LMNTD1: variants seen among roughly 807,000 people sequenced by gnomAD.
LMNTD1 encodes the protein lamin tail domain containing 1, also known as lamin tail domain-containing protein 1.
In LMNTD1, 35 loss-of-function variants were observed where a neutral mutation model predicts 50.9. That is an observed-to-expected ratio of 0.69 (90% CI 0.53 to 0.91). The LOEUF (loss-of-function observed/expected upper bound fraction) is 0.91. Ranked by LOEUF, LMNTD1 falls within the 40% of genes least tolerant of loss-of-function variation. The pLI, the probability that LMNTD1 is intolerant of heterozygous loss-of-function variation, is 0.00. For synonymous variants in LMNTD1, 153 were observed against 161.9 expected, an observed-to-expected ratio of 0.94 and a Z score of 0.42; for missense variants, 470 against 475.5, an observed-to-expected ratio of 0.99 and a Z score of 0.11.
At chr12:25,637,249 G>A (rs1358347213) in intron 1 of LMNTD1, among the ~76,000 whole-genome samples, 1 of 152,142 alleles carries the variant, frequency 6.6e-6, no homozygotes, top group Admixed American at 6.6e-5. Flanking sequence ...GGGAAAGAAA[G>A]CAAGCAACAG....
intron 8 of LMNTD1, among the ~76,000 whole-genome samples, chr12:25,508,477 G>T (rs995269929): frequency 2.0e-5 from 3 of 152,038 alleles, no homozygotes; most frequent in Non-Finnish European, 4.4e-5. Context: ...CATTTTCATT[G>T]CCTATGGGAT....
chr12:25,516,711 G>A (rs1045757953), intron 8 of LMNTD1, among the ~76,000 whole-genome samples: 1 of 151,948 alleles, frequency 6.6e-6, no homozygotes, highest in South Asian at 2.1e-4. Context: ...TTATGAAAAA[G>A]AAATATAAAC....
At chr12:25,540,523 C>A (rs1203965824) in intron 4 of LMNTD1, among the ~76,000 whole-genome samples, 7 of 137,052 alleles carry the variant, frequency 5.1e-5, no homozygotes, top group African/African-American at 7.8e-5. Context: ...CAAAATTCAA[C>A]AACCCTTCAT....
chr12:25,563,002 C>T (rs919212449), intron 1 of LMNTD1, among the ~76,000 whole-genome samples: 2 of 152,190 alleles, frequency 1.3e-5, no homozygotes, highest in African/African-American at 4.8e-5. Context: ...CATTTAAGGA[C>T]TTCTCTACAC....
At chr12:25,491,461 G>A (rs1419121306) in intron 9 of LMNTD1, among the ~76,000 whole-genome samples, 6 of 152,220 alleles carry the variant, frequency 3.9e-5, no homozygotes, top group Admixed American at 2.6e-4. Context: ...GCAACGTAAC[G>A]TGCCTGTATG....
chr12:25,620,331 T>C (rs1946443985), intron 1 of LMNTD1, among the ~76,000 whole-genome samples: 1 of 152,070 alleles, frequency 6.6e-6, no homozygotes, highest in South Asian at 2.1e-4. Context: ...CAATTCCAAT[T>C]TTCACAGTTA....
rs1025426869 is a variant in LMNTD1 at position 25,499,618 on chromosome 12, C to A, written c.*22+4120G>T. ...GTTTACTGACCCATTTTTAAATGTTCACACCCTTCATTTTCTTCTTGCTGG... is the reference window on the plus strand; with the variant it reads ...GTTTACTGACCCATTTTTAAATGTTAACACCCTTCATTTTCTTCTTGCTGG... On this transcript the variant is annotated intron_variant, in intron 9 of 9. Transcript: ENST00000458174. Among the ~76,000 whole-genome samples the A allele has an allele frequency of 2.0e-5, 3 of 152,024 alleles. No homozygotes were observed. The South Asian group carries it at 6.2e-4, about 31-fold the overall frequency.
At chr12:25,524,927 C>A (rs1941599200) in intron 6 of LMNTD1, among the ~76,000 whole-genome samples, 1 of 152,112 alleles carries the variant, frequency 6.6e-6, no homozygotes, top group Non-Finnish European at 1.5e-5. Flanking sequence ...CGCAGAAAGA[C>A]AGTAAATGGC....
At chr12:25,608,020 G>A (rs1483741393) in intron 1 of LMNTD1, among the ~76,000 whole-genome samples, 1 of 152,140 alleles carries the variant, frequency 6.6e-6, no homozygotes, top group East Asian at 1.9e-4. Flanking sequence ...GGGTGCTCCT[G>A]TATTGGGTGC....
intron 1 of LMNTD1, among the ~76,000 whole-genome samples, chr12:25,597,418 T>C (rs191697042): frequency 2.0e-5 from 3 of 152,236 alleles, no homozygotes; most frequent in Admixed American, 1.3e-4. Context: ...AGAAGGTCAC[T>C]ATATAATGAT....
At chr12:25,590,102 A>G (rs1034164281) in intron 1 of LMNTD1, among the ~76,000 whole-genome samples, 1 of 146,786 alleles carries the variant, frequency 6.8e-6, no homozygotes, top group Non-Finnish European at 1.5e-5. Context: ...AAATCAGCTG[A>G]GTACACACAA....
chr12:25,618,159 A>G (rs762079876), intron 1 of LMNTD1, among the ~76,000 whole-genome samples: 1 of 152,112 alleles, frequency 6.6e-6, no homozygotes, highest in African/African-American at 2.4e-5. Context: ...CTGTGGTTGT[A>G]TGTGTGTCAG....
intron 3 of LMNTD1, among the ~76,000 whole-genome samples, chr12:25,548,288 T>C (rs930199493): frequency 6.6e-6 from 1 of 151,108 alleles, no homozygotes; most frequent in African/African-American, 2.4e-5. Context: ...CAAAATGAAA[T>C]ATAGATGAGG....
At chr12:25,536,441 T>G (rs1435296390) in intron 4 of LMNTD1, among the ~76,000 whole-genome samples, 1 of 152,094 alleles carries the variant, frequency 6.6e-6, no homozygotes, top group African/African-American at 2.4e-5. Flanking sequence ...TCACTGGAAC[T>G]GAAAAATCTG....
intron 4 of LMNTD1, among the ~76,000 whole-genome samples, chr12:25,542,752 A>AAG (rs137921391): frequency 6.0e-5 from 1 of 16,778 alleles, no homozygotes; most frequent in Non-Finnish European, 1.9e-4. Flanking sequence ...AAAAAAGAAG[A>AAG]AAAAAAAAGC....
chr12:25,646,491 T>C (rs1272713944), intron 1 of LMNTD1, among the ~76,000 whole-genome samples: 1 of 151,566 alleles, frequency 6.6e-6, no homozygotes, highest in Non-Finnish European at 1.5e-5. Context: ...CCTAGGATCA[T>C]TTTTTTTTCT....
At chr12:25,540,839 C>T (rs1943016588) in intron 4 of LMNTD1, among the ~76,000 whole-genome samples, 1 of 121,352 alleles carries the variant, frequency 8.2e-6, no homozygotes, top group Non-Finnish European at 1.8e-5. Flanking sequence ...ATTGTCTCAG[C>T]CCAAAATCTC....
chr12:25,619,252 C>CTCTCTCTATATATATATATATA (rs1374134268), intron 1 of LMNTD1, among the ~76,000 whole-genome samples: 18 of 84,430 alleles, frequency 2.1e-4, no homozygotes, highest in Non-Finnish European at 3.4e-4. Context: ...CTCTCTCTCT[C>CTCTCTCTATATATATATATATA]TATATATATA....
At chr12:25,554,967 A>G (rs1043103157), upstream of LMNTD1, among the ~76,000 whole-genome samples, 3 of 151,866 alleles carry the variant, frequency 2.0e-5, no homozygotes, top group Non-Finnish European at 2.9e-5. Context: ...TCTGGAGGCT[A>G]AGGCAGGAGA....
Sources: allele counts gnomAD v4.1 joint callset (sites outside exome capture counted in the v4.1 genomes callset), GRCh38; gene constraint gnomAD v4.1.1; transcripts MANE v1.5; gene names NCBI Gene and HGNC (gene_info 2026-07-23, HGNC 2026-07-21).